EXOC4: variants seen among roughly 807,000 people sequenced by gnomAD.
EXOC4 encodes SEC8-like 1.
EXOC4 carries 71 observed loss-of-function variants against 107.2 expected under a neutral mutation model. That is an observed-to-expected ratio of 0.66 (90% CI 0.55 to 0.81). The LOEUF (loss-of-function observed/expected upper bound fraction) is 0.81, where lower values mean the gene tolerates loss of function less well. EXOC4 is among the 30% of genes least tolerant of loss of function. EXOC4 has a pLI of 0.00. For synonymous variants in EXOC4, 456 were observed against 441.2 expected (o/e 1.03, Z -0.42); for missense variants, 1,108 against 1,189.6 (o/e 0.93, Z 1.01).
intron 11 of EXOC4, among the ~76,000 whole-genome samples, chr7:133,839,490 T>C (rs544330396): frequency 1.3e-5 from 2 of 152,358 alleles, no homozygotes; most frequent in African/African-American, 4.8e-5. Context: ...CTTAATAAAT[T>C]CATTTTCACT....
At chr7:133,681,059 T>G (rs150593092) in intron 10 of EXOC4, among the ~76,000 whole-genome samples, 2 of 152,326 alleles carry the variant, frequency 1.3e-5, no homozygotes, top group Non-Finnish European at 2.9e-5. Context: ...ACCTTTTTGA[T>G]GGTAAATAGC....
At chr7:133,423,630 C>T (rs1323839516) in intron 7 of EXOC4, among the ~76,000 whole-genome samples, 2 of 152,230 alleles carry the variant, frequency 1.3e-5, no homozygotes, top group Admixed American at 6.5e-5. Context: ...GAGGTGACAA[C>T]GTGCTAGCAG....
intron 11 of EXOC4, among the ~76,000 whole-genome samples, chr7:133,834,766 ATTT>A (rs1797883134): frequency 6.6e-6 from 1 of 152,186 alleles, no homozygotes; most frequent in Admixed American, 6.5e-5. Context: ...ATAATAGGAA[ATTT>A]AAGATTTCTC....
chr7:133,687,476 C>G (rs1305624466), intron 10 of EXOC4, among the ~76,000 whole-genome samples: 1 of 152,044 alleles, frequency 6.6e-6, no homozygotes, highest in African/African-American at 2.4e-5. Flanking sequence ...TAAATCCAGA[C>G]AATAAGATGC....
chr7:133,309,499 C>T (rs1201621182), intron 4 of EXOC4, among the ~76,000 whole-genome samples: 3 of 152,046 alleles, frequency 2.0e-5, no homozygotes, highest in Admixed American at 6.6e-5. Flanking sequence ...AACTGTGAGA[C>T]GTACAACCAG....
intron 2 of EXOC4, among the ~76,000 whole-genome samples, chr7:133,275,717 C>T (rs1584769392): frequency 6.6e-6 from 1 of 152,260 alleles, no homozygotes; most frequent in African/African-American, 2.4e-5. Context: ...GACTTGCCTG[C>T]ATTTATTGTG....
At chr7:133,609,156 G>A (rs1585030007) in intron 9 of EXOC4, among the ~76,000 whole-genome samples, 1 of 152,120 alleles carries the variant, frequency 6.6e-6, no homozygotes, top group African/African-American at 2.4e-5. Flanking sequence ...TCTGAGTGTG[G>A]GGAACTGTAA....
chr7:133,899,798 T>G (rs1309736048), intron 12 of EXOC4, among the ~76,000 whole-genome samples: 1 of 140,442 alleles, frequency 7.1e-6, no homozygotes, highest in African/African-American at 2.7e-5. Flanking sequence ...AGAGCTGGAG[T>G]GCAGTGGCGC....
At chr7:133,483,977 A>G (rs1799215442) in intron 9 of EXOC4, 13 of 1,571,532 alleles carry the variant, frequency 8.3e-6, no homozygotes, top group Non-Finnish European at 1.1e-5. Flanking sequence ...TTAACACCAT[A>G]TAGCGGCAGG....
chr7:133,614,377 C>G (rs1247768832), intron 9 of EXOC4, among the ~76,000 whole-genome samples: 1 of 152,056 alleles, frequency 6.6e-6, no homozygotes, highest in Non-Finnish European at 1.5e-5. Context: ...GGGGTGGTTC[C>G]ATTGATGCTT....
chr7:133,454,631 T>C (rs1174565017), intron 7 of EXOC4, among the ~76,000 whole-genome samples: 2 of 152,212 alleles, frequency 1.3e-5, no homozygotes, highest in African/African-American at 4.8e-5. Context: ...TAGCTTTGTT[T>C]CTTGTTAGGC....
In EXOC4 at chr7:133,309,444, TA is replaced by T. The variant is rs568214349; in HGVS notation, c.656+3391del. On this transcript the variant is annotated intron_variant, in intron 4 of 17. Transcript: ENST00000253861. Reference sequence around the variant, plus strand: ...GATATTCTCAGATATGAATTTATAATAAAAAAAATTAGTATTCTTTTTCCGA... The same window carrying T: ...GATATTCTCAGATATGAATTTATAATAAAAAAATTAGTATTCTTTTTCCGA... Among the ~76,000 whole-genome samples, 16 of 152,130 alleles carry T rather than the reference TA, an allele frequency of 1.1e-4. No individual in the cohort carries two copies. The East Asian group carries it at 2.1e-3, about 20-fold the overall frequency.
rs1447701774 is a variant in EXOC4, at chr7:134,032,087, A to G, written c.2687+24252A>G. ...AGCTGAAATTAGCAATCAGTGATTC[A>G]GAGATGTTGACAAAGGCTTTTTATA... On this transcript the variant is annotated intron_variant, in intron 17 of 17. Coordinates refer to ENST00000253861, the MANE Select transcript of EXOC4 (RefSeq NM_021807.4). Among the ~76,000 whole-genome samples the G allele has an allele frequency of 3.3e-5, 5 of 152,342 alleles. No homozygotes were observed. The East Asian group carries it at 9.6e-4, about 29-fold the overall frequency.
chr7:133,466,757 A>G (rs1256250407), intron 7 of EXOC4, among the ~76,000 whole-genome samples: 1 of 152,202 alleles, frequency 6.6e-6, no homozygotes, highest in Non-Finnish European at 1.5e-5. Flanking sequence ...AAGTGTAATA[A>G]TGTTGAACAA....
chr7:133,913,967 A>G (rs1263913415), intron 12 of EXOC4, among the ~76,000 whole-genome samples: 1 of 152,208 alleles, frequency 6.6e-6, no homozygotes, highest in African/African-American at 2.4e-5. Context: ...AAGCAAAAGA[A>G]TAGTATTTCA....
intron 5 of EXOC4, among the ~76,000 whole-genome samples, chr7:133,350,435 C>T (rs532540053): frequency 6.6e-6 from 1 of 152,054 alleles, no homozygotes; most frequent in South Asian, 2.1e-4. Context: ...CCGTCCTTTC[C>T]CCATTGAATG....
intron 11 of EXOC4, among the ~76,000 whole-genome samples, chr7:133,835,790 A>G (rs914878369): frequency 9.2e-5 from 14 of 152,180 alleles, no homozygotes; most frequent in Non-Finnish European, 1.5e-4. Context: ...TCGGCTTTTT[A>G]TGGAGTCATT....
At chr7:133,362,424 G>A (rs186215439) in intron 6 of EXOC4, among the ~76,000 whole-genome samples, 1 of 152,106 alleles carries the variant, frequency 6.6e-6, no homozygotes, top group Admixed American at 6.5e-5. Context: ...TAATTCTAAC[G>A]CTGAGTCGTT....
intron 17 of EXOC4, among the ~76,000 whole-genome samples, chr7:134,060,512 C>T (rs562469954): frequency 1.3e-5 from 2 of 152,176 alleles, no homozygotes; most frequent in Non-Finnish European, 2.9e-5. Context: ...CTGGAAGCCA[C>T]GGCTGCTATT....
Sources: allele counts gnomAD v4.1 joint callset (sites outside exome capture counted in the v4.1 genomes callset), GRCh38; gene constraint gnomAD v4.1.1; transcripts MANE v1.5; gene names NCBI Gene and HGNC (gene_info 2026-07-23, HGNC 2026-07-21).